Variants in ANKS1A observed in about 807,000 individuals in gnomAD.
ANKS1A encodes the protein ankyrin repeat and SAM domain-containing protein 1A.
Under a neutral mutation model 120.3 loss-of-function variants are expected in ANKS1A, and 55 were observed. The observed-to-expected ratio is 0.46, with a 90% CI of 0.37 to 0.57. The LOEUF (loss-of-function observed/expected upper bound fraction) is 0.57, where lower values mean the gene tolerates loss of function less well. Ranked by LOEUF, ANKS1A falls within the 20% of genes least tolerant of loss-of-function variation. The pLI is 0.00. For synonymous variants in ANKS1A, 590 were observed against 604.7 expected, an observed-to-expected ratio of 0.98 and a Z score of 0.36; for missense variants, 1,123 against 1,480.3, an observed-to-expected ratio of 0.76 and a Z score of 3.96.
At chr6:34,959,252 A>G (rs1447655722) in intron 1 of ANKS1A, among the ~76,000 whole-genome samples, 1 of 152,238 alleles carries the variant, frequency 6.6e-6, no homozygotes, top group African/African-American at 2.4e-5. Flanking sequence ...TGTCCCATCA[A>G]GAGATTGTTG....
chr6:34,941,081 G>A (rs896810365), intron 1 of ANKS1A, among the ~76,000 whole-genome samples: 5 of 151,834 alleles, frequency 3.3e-5, no homozygotes, highest in Non-Finnish European at 7.4e-5. Flanking sequence ...TCCACCTCCC[G>A]GGTTCAAGTG....
intron 1 of ANKS1A, among the ~76,000 whole-genome samples, chr6:34,943,712 C>G (rs1448729491): frequency 6.6e-6 from 1 of 152,156 alleles, no homozygotes; most frequent in African/African-American, 2.4e-5. Context: ...CTTCTTTCAC[C>G]TAACAATATG....
At chr6:35,001,274 A>T (rs1269939753) in intron 10 of ANKS1A, among the ~76,000 whole-genome samples, 1 of 152,244 alleles carries the variant, frequency 6.6e-6, no homozygotes, top group Non-Finnish European at 1.5e-5. Context: ...AGGATGATAG[A>T]AGTTAAAGAC....
Position 35,018,481 on chromosome 6 carries a change from G to A in ANKS1A, c.2010+422G>A, listed in dbSNP as rs573633958. On this transcript the variant is annotated intron_variant, in intron 11 of 23. Transcript: ENST00000360359. ...AGAGGTGTGAGGGGTGTTTAGGGGA[G>A]GACAGGGTAAGTCTGGGGGGAAAGC... Among the ~76,000 whole-genome samples the A allele has an allele frequency of 2.8e-4, 42 of 152,216 alleles. No individual in the cohort carries two copies. In the South Asian group the frequency reaches 6.4e-3, roughly 23 times the overall value.
chr6:34,973,610 G>A (rs1442293030), intron 3 of ANKS1A, among the ~76,000 whole-genome samples: 1 of 152,146 alleles, frequency 6.6e-6, no homozygotes, highest in African/African-American at 2.4e-5. Flanking sequence ...AGCTGCCTTG[G>A]GGAAGAGAAA....
At chr6:34,895,580 A>G (rs1767027633) in intron 1 of ANKS1A, among the ~76,000 whole-genome samples, 2 of 152,240 alleles carry the variant, frequency 1.3e-5, no homozygotes, top group South Asian at 2.1e-4. Context: ...GAAGAGGGCA[A>G]CACTGACCAT....
At chr6:35,091,687 G>A (rs772031402), downstream of ANKS1A, among the ~76,000 whole-genome samples, 1 of 152,220 alleles carries the variant, frequency 6.6e-6, no homozygotes, top group Non-Finnish European at 1.5e-5. Context: ...AGTTACTGCT[G>A]CAGTGGCATC....
At chr6:34,899,043 A>G (rs1407943383) in intron 1 of ANKS1A, among the ~76,000 whole-genome samples, 1 of 152,240 alleles carries the variant, frequency 6.6e-6, no homozygotes, top group Non-Finnish European at 1.5e-5. Context: ...CAGCCATTGC[A>G]GAAATCAACA....
chr6:34,904,101 A>G (rs1023010526), intron 1 of ANKS1A, among the ~76,000 whole-genome samples: 11 of 152,322 alleles, frequency 7.2e-5, no homozygotes, highest in Non-Finnish European at 1.3e-4. Context: ...CCCCTCGAAG[A>G]TACCAGAATT....
At chr6:35,068,195 A>G (rs569653479) in intron 13 of ANKS1A, among the ~76,000 whole-genome samples, 116 of 152,262 alleles carry the variant, frequency 7.6e-4, no homozygotes, top group Non-Finnish European at 1.5e-3. Flanking sequence ...CACCTGGCCT[A>G]TTTTCAAATT....
intron 12 of ANKS1A, among the ~76,000 whole-genome samples, chr6:35,055,949 GGTCAA>G (rs2127587994): frequency 6.6e-6 from 1 of 152,290 alleles, no homozygotes; most frequent in African/African-American, 2.4e-5. Flanking sequence ...CTTTTCCAAG[GGTCAA>G]GTGTTTGCGG....
At chr6:34,954,437 G>A (rs994881655) in intron 1 of ANKS1A, among the ~76,000 whole-genome samples, 1 of 152,122 alleles carries the variant, frequency 6.6e-6, no homozygotes, top group Non-Finnish European at 1.5e-5. Context: ...ATAGCAAGAA[G>A]AGCAACATTG....
Position 34,983,365 on chromosome 6 carries a change from A to C in ANKS1A, c.952A>C (p.Thr318Pro), listed in dbSNP as rs767137276. 18 of 1,609,194 alleles carry C rather than the reference A, an allele frequency of 1.1e-5. No individual in the cohort carries two copies. The highest frequency in any genetic ancestry group is 2.2e-5 in the East Asian group (1 of 44,740). The change falls in exon 7 of 24, where the codon ACC becomes CCC. Residue 318 changes from threonine to proline, a missense_variant. Physicochemically the swap from Thr to Pro is conservative, Grantham distance 38. Transcript: ENST00000360359. Reference sequence around the variant, plus strand: ...AAGAAGTACAAAAGAAGTAGATAAAACCCCCCCACCCCAGCCACCTCTCAT... The same window carrying C: ...AAGAAGTACAAAAGAAGTAGATAAACCCCCCCCACCCCAGCCACCTCTCAT... ...GKRSTKEVDK[T>P]PPPQPPLISS...
chr6:35,093,907 C>T (rs1030156947), downstream of ANKS1A, among the ~76,000 whole-genome samples: 5 of 152,232 alleles, frequency 3.3e-5, no homozygotes, highest in Non-Finnish European at 5.9e-5. Flanking sequence ...AACAACCTCA[C>T]GCATGTTGTC....
intron 9 of ANKS1A, among the ~76,000 whole-genome samples, chr6:34,990,278 TAG>T (rs377090269): frequency 1.4e-3 from 219 of 152,298 alleles, no homozygotes; most frequent in African/African-American, 4.9e-3. Context: ...GTGTTGGAGA[TAG>T]GGGAAGATTT....
chr6:35,062,687 G>A (rs533897347), intron 13 of ANKS1A, among the ~76,000 whole-genome samples: 53 of 152,302 alleles, frequency 3.5e-4, no homozygotes, highest in African/African-American at 9.9e-4. Flanking sequence ...GGGCATTTGT[G>A]CACATCACAC....
At chr6:35,014,021 A>G (rs113690006) in intron 10 of ANKS1A, among the ~76,000 whole-genome samples, 3 of 152,330 alleles carry the variant, frequency 2.0e-5, no homozygotes, top group East Asian at 3.9e-4. Context: ...CAATCCCCCA[A>G]TTAAGATCCC....
intron 11 of ANKS1A, among the ~76,000 whole-genome samples, chr6:35,052,346 G>A (rs1649049320): frequency 6.6e-6 from 1 of 151,916 alleles, no homozygotes; most frequent in Admixed American, 6.6e-5. Flanking sequence ...AGCTACTAGG[G>A]AGGCTGAGGT....
chr6:34,939,708 G>T (rs527490859), intron 1 of ANKS1A, among the ~76,000 whole-genome samples: 2 of 151,648 alleles, frequency 1.3e-5, no homozygotes, highest in South Asian at 4.2e-4. Flanking sequence ...GTGAGATCCT[G>T]TCTCTTTCAA....
Sources: gnomAD v4.1 joint callset for allele counts (sites outside exome capture counted in the v4.1 genomes callset) on GRCh38, gnomAD v4.1.1 for gene constraint, MANE v1.5 for transcripts, NCBI Gene and HGNC (gene_info 2026-07-23, HGNC 2026-07-21) for gene names.